Variants in CCDC27 observed in about 807,000 individuals in gnomAD.
CCDC27 encodes coiled-coil domain containing 27, also known as coiled-coil domain-containing protein 27.
Under a neutral mutation model 80.3 loss-of-function variants are expected in CCDC27, and 80 were observed. The ratio of observed to expected loss-of-function variants is 1.00; its 90% CI spans 0.83 to 1.20. The LOEUF (loss-of-function observed/expected upper bound fraction) is 1.20. CCDC27 is among the 50% of genes most tolerant of loss of function. The pLI is 0.00. For synonymous variants in CCDC27, 342 were observed against 334.3 expected (o/e 1.02, Z -0.25); for missense variants, 815 against 809.4 (o/e 1.01, Z -0.08).
chr1:3,770,020 C>T lies in CCDC27; in HGVS notation c.1848+133C>T, dbSNP rs1643323055. 7 of 675,902 alleles carry T rather than the reference C, an allele frequency of 1.0e-5. No homozygotes were observed. The South Asian group carries it at 1.2e-4, about 11-fold the overall frequency. The allele number at this position is 675,902 out of a possible 1,614,324, so 41.9% of individuals were successfully genotyped here. ...ACCTGTGTCACCTATTCACTTGGACCCCAGGACCCTCCTTTCTCTCAGCTC... is the reference window on the plus strand; with the variant it reads ...ACCTGTGTCACCTATTCACTTGGACTCCAGGACCCTCCTTTCTCTCAGCTC... On this transcript the variant is annotated intron_variant, in intron 11 of 11. Coordinates refer to ENST00000294600, the MANE Select transcript of CCDC27 (RefSeq NM_152492.3).
chr1:3,767,554 G>A lies in CCDC27; in HGVS notation c.1743+109G>A, dbSNP rs937094081. 247 of 900,718 alleles carry A rather than the reference G, an allele frequency of 2.7e-4. 2 individuals are homozygous for A. Among genetic ancestry groups the A allele is most frequent in the Admixed American group, 1.9e-4 (7 of 37,378 alleles). The allele number at this position is 900,718 out of a possible 1,614,324, so 55.8% of individuals were successfully genotyped here. ...AGAACCGGGGTCTGTGTACGCTGGG[G>A]CTCGGGCTGGTTCTGCCGTGTACAC... On this transcript the variant is annotated intron_variant, in intron 10 of 11. Transcript: ENST00000294600.
rs1321144664 is a variant in CCDC27 at position 3,763,378 on chromosome 1, G to A, written c.1225G>A (p.Glu409Lys). ...CTCCTCCCTGGCCGAGTCGTTTGAG[G>A]AGGAGCTGCTGGCCCAGCTGGAGGA... ...RASSLAESFE[E>K]ELLAQLEEYE... The change falls in exon 7 of 12, where the codon GAG becomes AAG. Residue 409 changes from glutamate to lysine, a missense_variant. Glu to Lys is a moderately conservative substitution (Grantham distance 56). Coordinates refer to ENST00000294600, the MANE Select transcript of CCDC27 (RefSeq NM_152492.3). This position sits in a 1 kb window ranked among gnomAD's most constrained non-coding sequence, Gnocchi z 7.5. 5 of 1,613,020 alleles carry A rather than the reference G, an allele frequency of 3.1e-6. No homozygotes were observed. The highest frequency in any genetic ancestry group is 4.2e-6 in the Non-Finnish European group (5 of 1,179,984).
rs1255624871 is a variant in CCDC27 at position 3,769,403 on chromosome 1, A to G, written c.1744-380A>G. On this transcript the variant is annotated intron_variant, in intron 10 of 11. Transcript: ENST00000294600. The surrounding 1 kb of genome is among the most constrained non-coding windows in gnomAD (Gnocchi z 4.6). The stretch of plus-strand genomic sequence containing the variant: ...TCCCCAAGGGCCAGGAAGTCCGCTC[A>G]CTGCAGCTCCCCTGGGCAGTGGAGG... Among the ~76,000 whole-genome samples the G allele has an allele frequency of 6.6e-6, 1 of 152,136 alleles. No homozygotes were observed. Among genetic ancestry groups the G allele is most frequent in the Non-Finnish European group, 1.5e-5 (1 of 68,008 alleles).
Position 3,761,499 on chromosome 1 carries a change from T to C in CCDC27, c.861+69T>C. On this transcript the variant is annotated intron_variant, in intron 5 of 11. Transcript: ENST00000294600. The surrounding 1 kb of genome is among the most constrained non-coding windows in gnomAD (Gnocchi z 5.0). ...TTGTTTTCAAAGCGTCCAAAGCTGCTAGTGACACACAGGCCCCTGGCAAAC... is the reference window on the plus strand; with the variant it reads ...TTGTTTTCAAAGCGTCCAAAGCTGCCAGTGACACACAGGCCCCTGGCAAAC... The C allele has an allele frequency of 6.4e-7, 1 of 1,551,410 alleles. No individual in the cohort carries two copies. The highest frequency in any genetic ancestry group is 2.3e-5 in the East Asian group (1 of 44,000).
Position 3,766,480 on chromosome 1 carries a change from A to C in CCDC27, c.1453-55A>C, listed in dbSNP as rs574004878. The C allele has an allele frequency of 7.9e-7, 1 of 1,266,158 alleles. No homozygotes were observed. Among genetic ancestry groups the C allele is most frequent in the Non-Finnish European group, 1.1e-6 (1 of 883,286 alleles). 78.4% of individuals were successfully genotyped at this position (1,266,158 alleles called of 1,614,324 possible). On this transcript the variant is annotated intron_variant, in intron 8 of 11. Transcript: ENST00000294600. This position sits in a 1 kb window ranked among gnomAD's most constrained non-coding sequence, Gnocchi z 6.1. ...GGAAAAAAGTTAGATGCCGGAATTC[A>C]GTCTGTTATCTAAACCTGGGAGTCC...
chr1:3,765,275 T>G (rs1643201869), intron 8 of CCDC27, among the ~76,000 whole-genome samples: 1 of 152,180 alleles, frequency 6.6e-6, no homozygotes, highest in African/African-American at 2.4e-5. Context: ...AGTTGTAAGA[T>G]CCTATCTTTG....
chr1:3,756,918 G>GC (rs752284645), intron 4 of CCDC27, 28 bp downstream of exon 4: 20 of 1,597,928 alleles, frequency 1.3e-5, no homozygotes, highest in East Asian at 4.5e-5. Context: ...GCAAATCCCG[G>GC]CCCCCCACCC....
At chr1:3,759,515 G>C (rs1643039723) in intron 4 of CCDC27, among the ~76,000 whole-genome samples, 1 of 152,130 alleles carries the variant, frequency 6.6e-6, no homozygotes, top group South Asian at 2.1e-4. Flanking sequence ...CTTAGAATCA[G>C]CTTTAGATTT....
rs769632041 is a variant in CCDC27 at position 3,756,719 on chromosome 1, C to T, written c.554-14C>T. On this transcript the variant is annotated splice_polypyrimidine_tract_variant and intron_variant, in intron 3 of 11. Coordinates refer to ENST00000294600, the MANE Select transcript of CCDC27 (RefSeq NM_152492.3). ...AGGGTCTCATTTCTCACTTGGCCTC[C>T]GCTGTCGCCACAGGGTACCTCCTTC... 6.8e-6 allele frequency: 11 copies of T among 1,613,178 alleles called. No individual in the cohort carries two copies. Among genetic ancestry groups the T allele is most frequent in the African/African-American group, 5.3e-5 (4 of 74,908 alleles).
At chr1:3,754,356 T>G (rs1642902518) in intron 2 of CCDC27, 115 bp downstream of exon 2, 1 of 1,286,006 alleles carries the variant, frequency 7.8e-7, no homozygotes, top group East Asian at 2.7e-5. Flanking sequence ...GCCTCCACAG[T>G]GGCCCCAGCT....
intron 4 of CCDC27, among the ~76,000 whole-genome samples, chr1:3,758,209 G>A (rs1193266710): frequency 2.0e-5 from 3 of 151,994 alleles, no homozygotes; most frequent in Non-Finnish European, 4.4e-5. Context: ...ATTTATTTTT[G>A]AGACAGAGTC....
chr1:3,766,264 A>C lies in CCDC27; in HGVS notation c.1453-271A>C, dbSNP rs751309977. 7.9e-5 allele frequency among the ~76,000 whole-genome samples: 12 copies of C among 152,176 alleles called. No homozygotes were observed. Among genetic ancestry groups the C allele is most frequent in the Non-Finnish European group, 1.6e-4 (11 of 68,030 alleles). On this transcript the variant is annotated intron_variant, in intron 8 of 11. Transcript: ENST00000294600. This position sits in a 1 kb window ranked among gnomAD's most constrained non-coding sequence, Gnocchi z 6.1. ...ACCAACAATGTCTGAGACTTTTAGG[A>C]ACTCAAGTGTGAATTGGGCTTATTT... is the stretch of plus-strand genomic sequence containing the variant.
At chr1:3,765,230 A>G (rs1157357517) in intron 8 of CCDC27, among the ~76,000 whole-genome samples, 2 of 152,142 alleles carry the variant, frequency 1.3e-5, no homozygotes, top group East Asian at 3.9e-4. Context: ...AAAGTCGTTC[A>G]TGGTTCCTTC....
At position 3,756,810 on chromosome 1, in the gene CCDC27, C is replaced by G; in HGVS notation, c.631C>G (p.Pro211Ala). 1 of 1,614,036 alleles carries G rather than the reference C, an allele frequency of 6.2e-7. No homozygotes were observed. The highest frequency in any genetic ancestry group is 8.5e-7 in the Non-Finnish European group (1 of 1,180,012). ...RKRRKSQTLSPVTSSSVASQS... is the reference protein window; with the variant it reads ...RKRRKSQTLSAVTSSSVASQS... Reference sequence around the variant, plus strand: ...GAGGAGAAAATCCCAGACTTTGAGTCCGGTCACCAGCAGCTCAGTCGCATC... The same window carrying G: ...GAGGAGAAAATCCCAGACTTTGAGTGCGGTCACCAGCAGCTCAGTCGCATC... Residue 211 changes from proline (P) to alanine (A), a missense_variant, in exon 4 of 12, where the codon CCG becomes GCG. Coordinates refer to ENST00000294600, the MANE Select transcript of CCDC27 (RefSeq NM_152492.3).
intron 4 of CCDC27, among the ~76,000 whole-genome samples, chr1:3,757,921 CAAAA>C (rs779579669): frequency 5.9e-5 from 4 of 68,112 alleles, no homozygotes; most frequent in Middle Eastern, 0.01. Context: ...GACTCCATCT[CAAAA>C]AAAAAAAAAA....
In CCDC27 at chr1:3,771,602, T is replaced by C. The variant is rs565485019; in HGVS notation, c.*79T>C. 1 of 1,495,542 alleles carries C rather than the reference T, an allele frequency of 6.7e-7. No homozygotes were observed. The highest frequency in any genetic ancestry group is 1.2e-5 in the South Asian group (1 of 84,174). The allele number at this position is 1,495,542 out of a possible 1,614,324, so 92.6% of individuals were successfully genotyped here. A position where few individuals can be genotyped will look rare whatever the true frequency, so the allele number is the denominator to read the frequency against. On this transcript the variant is annotated 3_prime_UTR_variant, in exon 12 of 12. Transcript: ENST00000294600. ...CAGAACCACCCGCCCCCACCATGCGTCCTGCTCTCAGACTCAGAATTAAAC... is the reference window on the plus strand; with the variant it reads ...CAGAACCACCCGCCCCCACCATGCGCCCTGCTCTCAGACTCAGAATTAAAC...
chr1:3,756,903 G>C lies in CCDC27; in HGVS notation c.711+13G>C. The C allele has an allele frequency of 3.7e-6, 6 of 1,605,560 alleles. No homozygotes were observed. The highest frequency in any genetic ancestry group is 5.1e-6 in the Non-Finnish European group (6 of 1,175,034). ...CATCCACGAGAAGGTACTGGCGGAG[G>C]GGGTGCAAATCCCGGCCCCCCACCC... On this transcript the variant is annotated intron_variant, in intron 4 of 11. Coordinates refer to ENST00000294600, the MANE Select transcript of CCDC27 (RefSeq NM_152492.3).
rs1294007006 is a variant in CCDC27, at chr1:3,767,455, G to A, written c.1743+10G>A. The stretch of plus-strand genomic sequence containing the variant: ...GAGCTCCCAGTCCAGGGTATGCCCA[G>A]CCCTTCCTCCTGAGGGTCTGTCCCA... On this transcript the variant is annotated intron_variant, in intron 10 of 11. Coordinates refer to ENST00000294600, the MANE Select transcript of CCDC27 (RefSeq NM_152492.3). The A allele has an allele frequency of 1.9e-6, 3 of 1,603,246 alleles. No homozygotes were observed. The highest frequency in any genetic ancestry group is 2.6e-6 in the Non-Finnish European group (3 of 1,174,446).
At chr1:3,758,749 C>T (rs1643021036) in intron 4 of CCDC27, among the ~76,000 whole-genome samples, 1 of 152,176 alleles carries the variant, frequency 6.6e-6, no homozygotes. Flanking sequence ...GCACACGCCA[C>T]CATGCCCATT....
Sources: allele counts gnomAD v4.1 joint callset (sites outside exome capture counted in the v4.1 genomes callset), GRCh38; gene constraint gnomAD v4.1.1; non-coding constraint Gnocchi (gnomAD v3.1); transcripts MANE v1.5; gene names NCBI Gene and HGNC (gene_info 2026-07-23, HGNC 2026-07-21).